Variants in MR1 observed in about 807,000 individuals in gnomAD.
The protein encoded by MR1 is major histocompatibility complex class I-related protein 1.
In MR1, 44 loss-of-function variants were observed where a neutral mutation model predicts 37.8. That is an observed-to-expected ratio of 1.16 (90% CI 0.91 to 1.50). The LOEUF (loss-of-function observed/expected upper bound fraction) is 1.50. Among genes scored for constraint, MR1 ranks in the 40% most tolerant of loss-of-function variants. MR1 has a pLI of 0.00. For synonymous variants in MR1, 153 were observed against 155.8 expected (o/e 0.98, Z 0.13); for missense variants, 386 against 419.1 (o/e 0.92, Z 0.69).
At chr1:181,045,662 C>T (rs1232128780) in intron 1 of MR1, among the ~76,000 whole-genome samples, 3 of 152,194 alleles carry the variant, frequency 2.0e-5, no homozygotes, top group African/African-American at 7.2e-5. Flanking sequence ...TGAGAGGTGA[C>T]AGCGTGCTGG....
In MR1 at chr1:181,056,374, AATAATAATAATAAT is replaced by A. The variant is rs1658619619; in HGVS notation, c.*1111_*1124del. 1.8e-5 allele frequency: 1 copy of A among 55,792 alleles called. No individual in the cohort carries two copies. The highest frequency in any genetic ancestry group is 1.4e-4 in the African/African-American group (1 of 7,130). The allele number at this position is 55,792 out of a possible 1,614,324, so 3.5% of individuals were successfully genotyped here. On this transcript the variant is annotated 3_prime_UTR_variant, in exon 6 of 6. Coordinates refer to ENST00000367580, the MANE Select transcript of MR1 (RefSeq NM_001385161.1). ...TGAGACTCTATCTCAAAATAATAAT[AATAATAATAATAAT>A]AATAATAATAATAATAACAGTATAT...
intron 1 of MR1, among the ~76,000 whole-genome samples, chr1:181,043,312 A>G (rs999282163): frequency 3.3e-5 from 5 of 152,218 alleles, no homozygotes; most frequent in Non-Finnish European, 7.3e-5. Flanking sequence ...TCAGTATTGC[A>G]GCTGACATGC....
At chr1:181,036,868 A>T (rs1183484362) in intron 1 of MR1, 1 of 152,200 alleles carries the variant, frequency 6.6e-6, no homozygotes, top group African/African-American at 2.4e-5. Context: ...CAGTTATTTG[A>T]CTGGGAGCCA....
chr1:181,051,309 G>A (rs555549303), intron 3 of MR1: 1 of 151,900 alleles, frequency 6.6e-6, no homozygotes, highest in South Asian at 2.1e-4. Context: ...AAGGATCTTG[G>A]ATTAATTTCT....
rs1172772893 is a variant in MR1, at chr1:181,058,388, C to T, written c.*3123C>T. ...TGTTTGTTTTTGATGTGCATATAGACCAAGATGTGGTAAATTTAAATGGCA... is the reference window on the plus strand; with the variant it reads ...TGTTTGTTTTTGATGTGCATATAGATCAAGATGTGGTAAATTTAAATGGCA... On this transcript the variant is annotated 3_prime_UTR_variant, in exon 6 of 6. Coordinates refer to ENST00000367580, the MANE Select transcript of MR1 (RefSeq NM_001385161.1). 2 of 151,022 alleles carry T rather than the reference C, an allele frequency of 1.3e-5. No individual in the cohort carries two copies. The highest frequency in any genetic ancestry group is 6.6e-5 in the Admixed American group (1 of 15,148). 9.4% of individuals were successfully genotyped at this position (151,022 alleles called of 1,614,324 possible).
rs2102413184 is a variant in MR1, at chr1:181,058,513, C to A, written c.*3248C>A. On this transcript the variant is annotated 3_prime_UTR_variant, in exon 6 of 6. Coordinates refer to ENST00000367580, the MANE Select transcript of MR1 (RefSeq NM_001385161.1). ...ATCGAGAGTTTCTGAGCTCTCCCAT[C>A]AGGGGCCAGTCCTCCTTTCCTCTCT... 1 of 152,322 alleles carries A rather than the reference C, an allele frequency of 6.6e-6. No homozygotes were observed. Among genetic ancestry groups the A allele is most frequent in the Non-Finnish European group, 1.5e-5 (1 of 68,030 alleles). The allele number at this position is 152,322 out of a possible 1,614,324, so 9.4% of individuals were successfully genotyped here.
intron 1 of MR1, chr1:181,036,975 C>T (rs140057069): frequency 3.2e-4 from 48 of 152,336 alleles, no homozygotes; most frequent in African/African-American, 1.1e-3. Context: ...GCTTTTACAA[C>T]TCATCTTGTT....
At chr1:181,054,147 T>C (rs1004371927) in intron 5 of MR1, among the ~76,000 whole-genome samples, 1 of 152,030 alleles carries the variant, frequency 6.6e-6, no homozygotes. Flanking sequence ...TATGTAAGAG[T>C]AGATACCTTC....
At chr1:181,046,534 G>A (rs1026714110) in intron 1 of MR1, among the ~76,000 whole-genome samples, 1 of 152,148 alleles carries the variant, frequency 6.6e-6, no homozygotes, top group Non-Finnish European at 1.5e-5. Flanking sequence ...TTTGTGTCTA[G>A]CTGAGGGATG....
chr1:181,050,275 T>C lies in MR1; in HGVS notation c.593T>C (p.Leu198Pro), dbSNP rs759619897. 17 of 1,614,146 alleles carry C rather than the reference T, an allele frequency of 1.1e-5. 1 individual carries two copies. In the South Asian group the frequency reaches 1.6e-4, roughly 16 times the overall value. The change falls in exon 3 of 6, where the codon CTA (leucine) becomes CCA (proline). Residue 198 changes from leucine to proline, a missense_variant. Coordinates refer to ENST00000367580, the MANE Select transcript of MR1 (RefSeq NM_001385161.1). ...KRFLEYGKDT[L>P]QRTEPPLVRV... ...TTCCTGGAGTATGGGAAAGACACCC[T>C]ACAAAGAACAGGTAAAGAGAAAGAG... is the stretch of plus-strand genomic sequence containing the variant.
At chr1:181,044,224 A>C (rs1031845596) in intron 1 of MR1, among the ~76,000 whole-genome samples, 1 of 152,014 alleles carries the variant, frequency 6.6e-6, no homozygotes, top group African/African-American at 2.4e-5. Flanking sequence ...CGGCCTCCCA[A>C]AGTGCTGGGA....
At chr1:181,041,870 C>T (rs569642255) in intron 1 of MR1, among the ~76,000 whole-genome samples, 7 of 152,168 alleles carry the variant, frequency 4.6e-5, no homozygotes, top group Admixed American at 1.3e-4. Flanking sequence ...CCCCTTCCCC[C>T]GACTAGGGTG....
upstream of MR1, among the ~76,000 whole-genome samples, chr1:181,033,662 C>T (rs1657123861): frequency 6.6e-6 from 1 of 152,098 alleles, no homozygotes; most frequent in Non-Finnish European, 1.5e-5. Flanking sequence ...TTCTAAGCTC[C>T]AGGGAAGCAG....
intron 2 of MR1, 30 bp downstream of exon 2, chr1:181,049,342 C>G (rs761748014): frequency 6.3e-7 from 1 of 1,591,994 alleles, no homozygotes; most frequent in African/African-American, 1.3e-5. Flanking sequence ...AGACGCTTCC[C>G]CCATCCCACC....
intron 1 of MR1, among the ~76,000 whole-genome samples, chr1:181,038,381 A>G (rs1384795487): frequency 6.6e-6 from 1 of 152,188 alleles, no homozygotes; most frequent in East Asian, 1.9e-4. Flanking sequence ...AAATATTGCC[A>G]CCTACTTCTC....
intron 2 of MR1, 35 bp from the exon 3 acceptor site, chr1:181,049,976 G>C (rs371321800): frequency 6.3e-7 from 1 of 1,598,000 alleles, no homozygotes; most frequent in South Asian, 1.1e-5. Flanking sequence ...CTCTGTCTCT[G>C]TGTGGACCCC....
chr1:181,048,998 A>G, intron 1 of MR1, 54 bp from the exon 2 acceptor site: 1 of 1,576,674 alleles, frequency 6.3e-7, no homozygotes, highest in Non-Finnish European at 8.6e-7. Context: ...ATGCAGTTGA[A>G]GGATCTGGAT....
In MR1 at chr1:181,034,087, C is replaced by A. The variant is rs549247360; in HGVS notation, c.67+13C>A. 31 of 1,609,678 alleles carry A rather than the reference C, an allele frequency of 1.9e-5. No homozygotes were observed. Among genetic ancestry groups the A allele is most frequent in the Non-Finnish European group, 2.2e-5 (26 of 1,178,532 alleles). On this transcript the variant is annotated intron_variant, in intron 1 of 5. Coordinates refer to ENST00000367580, the MANE Select transcript of MR1 (RefSeq NM_001385161.1). ...CACAGCGATTCCCGTGAGTATCCCA[C>A]GTCCTCTTCTCTCCTAACTCCAAAG... is the stretch of plus-strand genomic sequence containing the variant.
chr1:181,039,854 A>C (rs1657461704), intron 1 of MR1, among the ~76,000 whole-genome samples: 1 of 145,518 alleles, frequency 6.9e-6, no homozygotes, highest in Non-Finnish European at 1.5e-5. Context: ...TGTCAGAGCG[A>C]GACTCCATCT....
Sources: allele counts gnomAD v4.1 joint callset (sites outside exome capture counted in the v4.1 genomes callset), GRCh38; gene constraint gnomAD v4.1.1; transcripts MANE v1.5; gene names NCBI Gene and HGNC (gene_info 2026-07-23, HGNC 2026-07-21).